Variants in PTPRD observed in about 807,000 individuals in gnomAD.
The protein encoded by PTPRD is protein tyrosine phosphatase receptor type D, also known as receptor-type tyrosine-protein phosphatase delta.
Under a neutral mutation model 214.5 loss-of-function variants are expected in PTPRD, and 34 were observed. The ratio of observed to expected loss-of-function variants is 0.16; its 90% CI spans 0.12 to 0.21. PTPRD has a LOEUF of 0.21. PTPRD is among the 10% of genes least tolerant of loss of function. The pLI is 1.00. For synonymous variants in PTPRD, 1,128 were observed against 845.7 expected, an observed-to-expected ratio of 1.33 and a Z score of -5.79; for missense variants, 2,545 against 2,398.7, an observed-to-expected ratio of 1.06 and a Z score of -1.27.
chr9:9,154,875 T>A (rs1211102722), intron 10 of PTPRD, among the ~76,000 whole-genome samples: 1 of 152,184 alleles, frequency 6.6e-6, no homozygotes, highest in Non-Finnish European at 1.5e-5. Context: ...GTAAAAAATA[T>A]TATTAGGTAG....
In PTPRD at chr9:10,107,868, C is replaced by T. The variant is rs2098650301; in HGVS notation, c.-544-74078G>A. On this transcript the variant is annotated intron_variant, in intron 3 of 45. Transcript: ENST00000381196. ...TTTTCTCAGTGGCCTAAAGGTATTA[C>T]TAACTTCCTTAGTTCAACATACTCA... is the stretch of plus-strand genomic sequence containing the variant. Among the ~76,000 whole-genome samples the T allele has an allele frequency of 3.3e-5, 5 of 152,114 alleles. No individual in the cohort carries two copies. The South Asian group carries it at 8.3e-4, about 25-fold the overall frequency.
chr9:8,632,147 G>GTC (rs746829220), intron 14 of PTPRD, among the ~76,000 whole-genome samples: 1 of 139,190 alleles, frequency 7.2e-6, no homozygotes, highest in East Asian at 2.0e-4. Flanking sequence ...GTGTGTGTGT[G>GTC]TCTGTGTGTG....
At chr9:10,584,119 C>A (rs1241160580) in intron 2 of PTPRD, among the ~76,000 whole-genome samples, 2 of 151,740 alleles carry the variant, frequency 1.3e-5, no homozygotes, top group African/African-American at 4.8e-5. Flanking sequence ...CACTTGAAAT[C>A]CTTACCCCTC....
At chr9:10,526,319 G>A (rs1270819538) in intron 2 of PTPRD, among the ~76,000 whole-genome samples, 1 of 152,086 alleles carries the variant, frequency 6.6e-6, no homozygotes, top group African/African-American at 2.4e-5. Flanking sequence ...AAAAATGGAT[G>A]ATTGTGAGTA....
intron 3 of PTPRD, among the ~76,000 whole-genome samples, chr9:10,044,839 T>G (rs1034172019): frequency 1.7e-4 from 26 of 151,664 alleles, no homozygotes; most frequent in Middle Eastern, 3.2e-3. Context: ...CAAGACATGA[T>G]TTTAGTTATC....
intron 11 of PTPRD, among the ~76,000 whole-genome samples, chr9:8,841,275 C>T (rs1193203467): frequency 6.6e-6 from 1 of 152,152 alleles, no homozygotes; most frequent in Non-Finnish European, 1.5e-5. Context: ...GTGAATGTTC[C>T]ACGCTTTTGT....
rs754610072 is a variant in PTPRD, at chr9:9,606,965, T to TAAAAAAAAA, written c.-286-32193_-286-32185dup. Among the ~76,000 whole-genome samples the TAAAAAAAAA allele has an allele frequency of 1.2e-3, 34 of 27,488 alleles. 7 individuals are homozygous for TAAAAAAAAA. Among genetic ancestry groups the TAAAAAAAAA allele is most frequent in the Admixed American group, 1.7e-3 (2 of 1,162 alleles). 18.0% of individuals were successfully genotyped at this position (27,488 alleles called of 152,430 possible). On this transcript the variant is annotated intron_variant, in intron 7 of 45. Transcript: ENST00000381196. ...GCAGTATCTGATTACTCAGCACTGC[T>TAAAAAAAAA]AAAAAAAAAAAAAAAAAAAAAAAAA... is the stretch of plus-strand genomic sequence containing the variant.
At chr9:8,592,600 T>C (rs1156309465) in intron 14 of PTPRD, among the ~76,000 whole-genome samples, 1 of 152,102 alleles carries the variant, frequency 6.6e-6, no homozygotes, top group Non-Finnish European at 1.5e-5. Flanking sequence ...TTCTTTAAAG[T>C]GTCTCACCAA....
At chr9:8,837,374 T>C (rs971168772) in intron 11 of PTPRD, among the ~76,000 whole-genome samples, 3 of 152,182 alleles carry the variant, frequency 2.0e-5, no homozygotes, top group East Asian at 1.9e-4. Flanking sequence ...CATATAAAGA[T>C]TGTTTTTCCT....
At position 8,834,713 on chromosome 9, in the gene PTPRD, G is replaced by A. The variant is rs111377104; in HGVS notation, c.-103-100767C>T. The stretch of plus-strand genomic sequence containing the variant: ...GAGGATCAAGGAGACCACACATCAG[G>A]AATTTAAAAAACTGTTTGACCCACA... On this transcript the variant is annotated intron_variant, in intron 11 of 45. Transcript: ENST00000381196. Among the ~76,000 whole-genome samples the A allele has an allele frequency of 2.5e-3, 376 of 152,248 alleles. 1 individual carries two copies. The highest frequency in any genetic ancestry group is 8.7e-3 in the African/African-American group (360 of 41,550).
chr9:10,098,769 A>G (rs570763715), intron 3 of PTPRD, among the ~76,000 whole-genome samples: 1 of 151,866 alleles, frequency 6.6e-6, no homozygotes, highest in East Asian at 2.0e-4. Context: ...ATGGATGAAG[A>G]AACTGCACAT....
chr9:9,397,020 G>A (rs1294930615), intron 9 of PTPRD, among the ~76,000 whole-genome samples: 1 of 151,962 alleles, frequency 6.6e-6, no homozygotes, highest in Non-Finnish European at 1.5e-5. Context: ...TGTAAGCTAA[G>A]GAATGTAAAT....
At chr9:8,947,810 G>A (rs747940464) in intron 11 of PTPRD, among the ~76,000 whole-genome samples, 2 of 151,994 alleles carry the variant, frequency 1.3e-5, no homozygotes, top group African/African-American at 4.8e-5. Flanking sequence ...ACGTATTTTT[G>A]GCAAAATAAT....
At chr9:8,759,065 C>T (rs571997499) in intron 11 of PTPRD, among the ~76,000 whole-genome samples, 79 of 151,544 alleles carry the variant, frequency 5.2e-4, no homozygotes, top group African/African-American at 1.9e-3. Flanking sequence ...GCATCTCACT[C>T]TGTCACCCAG....
intron 2 of PTPRD, among the ~76,000 whole-genome samples, chr9:10,460,022 T>C (rs781425330): frequency 2.0e-5 from 3 of 152,094 alleles, no homozygotes; most frequent in Non-Finnish European, 4.4e-5. Flanking sequence ...ATTCATAATG[T>C]TGTGTAGTCA....
chr9:9,729,192 G>T (rs1029700983), intron 7 of PTPRD, among the ~76,000 whole-genome samples: 1 of 152,108 alleles, frequency 6.6e-6, no homozygotes, highest in Non-Finnish European at 1.5e-5. Flanking sequence ...TAAGAAAACA[G>T]AATTCATCTG....
rs1170314393 is a variant in PTPRD at position 10,485,397 on chromosome 9, A to C, written c.-600+127001T>G. Among the ~76,000 whole-genome samples, 3 of 152,062 alleles carry C rather than the reference A, an allele frequency of 2.0e-5. No homozygotes were observed. In the East Asian group the frequency reaches 5.8e-4, roughly 29 times the overall value. On this transcript the variant is annotated intron_variant, in intron 2 of 45. Coordinates refer to ENST00000381196, the MANE Select transcript of PTPRD (RefSeq NM_002839.4). The stretch of plus-strand genomic sequence containing the variant: ...AGAATTTTTTTCTATTTCTATGAGA[A>C]ATGTCATTGGCATTTTGACAGGAAT...
intron 2 of PTPRD, among the ~76,000 whole-genome samples, chr9:10,381,819 T>G (rs10959084): frequency 0.18 from 26,943 of 151,882 alleles, 3,257 homozygotes; most frequent in East Asian, 0.63. Context: ...TTATAACTGC[T>G]AGGTATTTCA....
At chr9:9,765,342 A>T (rs920555207) in intron 6 of PTPRD, among the ~76,000 whole-genome samples, 1 of 152,178 alleles carries the variant, frequency 6.6e-6, no homozygotes, top group Non-Finnish European at 1.5e-5. Flanking sequence ...TTCCCCAAGC[A>T]TTACGTTTGC....
Sources: gnomAD v4.1 joint callset for allele counts (sites outside exome capture counted in the v4.1 genomes callset) on GRCh38, gnomAD v4.1.1 for gene constraint, MANE v1.5 for transcripts, NCBI Gene and HGNC (gene_info 2026-07-23, HGNC 2026-07-21) for gene names.